The following OXNAD1 variants were observed in gnomAD, a reference collection of about 807,000 sequenced individuals.
OXNAD1 encodes the protein oxidoreductase NAD-binding domain-containing protein 1.
Under a neutral mutation model 32.9 loss-of-function variants are expected in OXNAD1, and 34 were observed. That is an observed-to-expected ratio of 1.03 (90% confidence interval 0.79 to 1.38). The LOEUF (loss-of-function observed/expected upper bound fraction) is 1.38, where lower values mean the gene tolerates loss of function less well. Among genes scored for constraint, OXNAD1 ranks in the 40% most tolerant of loss-of-function variants. OXNAD1 has a pLI of 0.00. For missense variants in OXNAD1, 407 were observed against 379.4 expected, an observed-to-expected ratio of 1.07 and a Z score of -0.60; for synonymous variants, 134 against 135.2, an observed-to-expected ratio of 0.99 and a Z score of 0.06.
At chr3:16,306,131 A>C (rs1273519344), downstream of OXNAD1, 1 of 152,236 alleles carries the variant, frequency 6.6e-6, no homozygotes, top group Non-Finnish European at 1.5e-5. Flanking sequence ...TTCTTTTGAC[A>C]TAAGACCCTT....
intron 9 of OXNAD1, among the ~76,000 whole-genome samples, chr3:16,328,010 C>T (rs750506566): frequency 2.0e-4 from 30 of 152,330 alleles, no homozygotes; most frequent in South Asian, 4.1e-4. Flanking sequence ...AACATGTATC[C>T]AGATTCCTTC....
At chr3:16,330,203 G>C (rs2070172071) in intron 9 of OXNAD1, among the ~76,000 whole-genome samples, 1 of 152,192 alleles carries the variant, frequency 6.6e-6, no homozygotes, top group African/African-American at 2.4e-5. Flanking sequence ...ATCACATGGT[G>C]AGTTGACAAG....
chr3:16,316,663 A>G lies in OXNAD1; in HGVS notation c.*30+13071A>G. On this transcript the variant is annotated intron_variant, in intron 9 of 9. Coordinates refer to the OXNAD1 transcript ENST00000435829. The surrounding 1 kb of genome is among the most constrained non-coding windows in gnomAD (Gnocchi z 4.5). The stretch of plus-strand genomic sequence containing the variant: ...TGGATGTGCAAAAACCAACACTGTC[A>G]GGAACCTGGCCCTGGGAGGGCTCAG... 1.3e-6 allele frequency: 1 copy of G among 756,168 alleles called. No homozygotes were observed. The highest frequency in any genetic ancestry group is 2.2e-6 in the Non-Finnish European group (1 of 445,868). The allele number at this position is 756,168 out of a possible 1,614,324, so 46.8% of individuals were successfully genotyped here. A position where few individuals can be genotyped will look rare whatever the true frequency, so the allele number is the denominator to read the frequency against.
Position 16,288,891 on chromosome 3 carries a change from C to T in OXNAD1, c.290+2443C>T, listed in dbSNP as rs544914480. ...TGCAGCTGCCCTGAGTTTCTAGATTCACATTTGGCTGTGGTGCTCACTGCC... is the reference window on the plus strand; with the variant it reads ...TGCAGCTGCCCTGAGTTTCTAGATTTACATTTGGCTGTGGTGCTCACTGCC... On this transcript the variant is annotated intron_variant, in intron 5 of 8. Coordinates refer to ENST00000285083, the MANE Select transcript of OXNAD1 (RefSeq NM_138381.5). The surrounding 1 kb of genome is among the most constrained non-coding windows in gnomAD (Gnocchi z 5.1). Among the ~76,000 whole-genome samples the T allele has an allele frequency of 7.2e-5, 11 of 152,320 alleles. No homozygotes were observed. The highest frequency in any genetic ancestry group is 1.3e-4 in the Non-Finnish European group (9 of 68,022).
rs1453081870 is a variant in OXNAD1 at position 16,317,714 on chromosome 3, CTG to C, written c.*30+14125_*30+14126del. Among the ~76,000 whole-genome samples the C allele has an allele frequency of 6.6e-6, 1 of 152,166 alleles. No homozygotes were observed. The highest frequency in any genetic ancestry group is 1.5e-5 in the Non-Finnish European group (1 of 68,030). On this transcript the variant is annotated intron_variant, in intron 9 of 9. Transcript: ENST00000435829. The surrounding 1 kb of genome is among the most constrained non-coding windows in gnomAD (Gnocchi z 4.3). ...CAGGGCCCAGAACATGGGGCAGACA[CTG>C]TGCTGTACCGCTCAGATCCCCCCAC...
Position 16,316,080 on chromosome 3 carries a change from G to A in OXNAD1, c.*30+12488G>A, listed in dbSNP as rs11554127. 6.5e-6 allele frequency: 1 copy of A among 152,822 alleles called. No homozygotes were observed. Among genetic ancestry groups the A allele is most frequent in the Non-Finnish European group, 1.5e-5 (1 of 68,202 alleles). The allele number at this position is 152,822 out of a possible 1,614,324, so 9.5% of individuals were successfully genotyped here. A position where few individuals can be genotyped will look rare whatever the true frequency, so the allele number is the denominator to read the frequency against. On this transcript the variant is annotated intron_variant, in intron 9 of 9. Transcript: ENST00000435829. This position sits in a 1 kb window ranked among gnomAD's most constrained non-coding sequence, Gnocchi z 4.5. Reference sequence around the variant, plus strand: ...TAGCACATAACAAGGGCGCCAGCCAGTCCCGATGCCCTGAAGTGACAGAAG... The same window carrying A: ...TAGCACATAACAAGGGCGCCAGCCAATCCCGATGCCCTGAAGTGACAGAAG...
intron 5 of OXNAD1, among the ~76,000 whole-genome samples, chr3:16,291,144 C>T (rs1016667459): frequency 2.0e-5 from 3 of 152,146 alleles, no homozygotes; most frequent in Admixed American, 6.5e-5. Context: ...AAGAAGGAAA[C>T]GTTAAGACTT....
At chr3:16,295,235 A>G (rs1026976420) in intron 6 of OXNAD1, among the ~76,000 whole-genome samples, 1 of 152,220 alleles carries the variant, frequency 6.6e-6, no homozygotes, top group African/African-American at 2.4e-5. Context: ...ACTGCTTTAG[A>G]ATTAAAATAT....
rs149524469 is a variant in OXNAD1 at position 16,276,233 on chromosome 3, A to G, written c.183+4511A>G. 9.5e-5 allele frequency: 23 copies of G among 243,174 alleles called. No individual in the cohort carries two copies. The East Asian group carries it at 3.1e-3, about 32-fold the overall frequency. The allele number at this position is 243,174 out of a possible 1,614,324, so 15.1% of individuals were successfully genotyped here. A position where few individuals can be genotyped will look rare whatever the true frequency, so the allele number is the denominator to read the frequency against. On this transcript the variant is annotated intron_variant, in intron 4 of 8. Coordinates refer to ENST00000285083, the MANE Select transcript of OXNAD1 (RefSeq NM_138381.5). ...TCAAGTAATTGCGTGTTCAGGGAGC[A>G]CATCTGTGTTAACTATATTTTTCTT...
downstream of OXNAD1, among the ~76,000 whole-genome samples, chr3:16,342,185 T>C (rs1240109670): frequency 2.0e-5 from 3 of 152,104 alleles, no homozygotes; most frequent in East Asian, 1.9e-4. The surrounding 1 kb of genome is among the most constrained non-coding windows in gnomAD (Gnocchi z 4.0). Flanking sequence ...CTGTACCTAT[T>C]AGCAGTCACT....
In OXNAD1 at chr3:16,303,841, T is replaced by G. The variant is rs1378715175; in HGVS notation, c.*279T>G. On this transcript the variant is annotated 3_prime_UTR_variant, in exon 9 of 9. Coordinates refer to ENST00000285083, the MANE Select transcript of OXNAD1 (RefSeq NM_138381.5). This position sits in a 1 kb window ranked among gnomAD's most constrained non-coding sequence, Gnocchi z 4.8. The stretch of plus-strand genomic sequence containing the variant: ...ATGTACCATGATTGGTCAGTATAGA[T>G]TTTTCTTTTGTCTTTAGGCAAAAAA... 9 of 231,960 alleles carry G rather than the reference T, an allele frequency of 3.9e-5. No individual in the cohort carries two copies. The East Asian group carries it at 7.3e-4, about 19-fold the overall frequency. The allele number at this position is 231,960 out of a possible 1,614,324, so 14.4% of individuals were successfully genotyped here.
chr3:16,307,862 G>T (rs1167188897), downstream of OXNAD1, among the ~76,000 whole-genome samples: 1 of 152,140 alleles, frequency 6.6e-6, no homozygotes, highest in Non-Finnish European at 1.5e-5. Flanking sequence ...CAAAACTAGG[G>T]AATGAACAGT....
chr3:16,333,578 A>C (rs1385552498), intron 9 of OXNAD1, among the ~76,000 whole-genome samples: 2 of 152,232 alleles, frequency 1.3e-5, no homozygotes, highest in Non-Finnish European at 2.9e-5. Flanking sequence ...TTATTATTTT[A>C]ATGTTTAAAG....
At chr3:16,276,123 ACT>A in intron 4 of OXNAD1, 1 of 177,942 alleles carries the variant, frequency 5.6e-6, no homozygotes, top group South Asian at 1.3e-4. Context: ...ACAGAGTAAG[ACT>A]CTGTCTCAAA....
rs185552526 is a variant in OXNAD1, at chr3:16,313,262, C to T, written c.*30+9670C>T. Among the ~76,000 whole-genome samples, 8 of 138,986 alleles carry T rather than the reference C, an allele frequency of 5.8e-5. 1 individual carries two copies. The highest frequency in any genetic ancestry group is 8.5e-5 in the African/African-American group (3 of 35,340). 91.2% of individuals were successfully genotyped at this position (138,986 alleles called of 152,430 possible). Reference sequence around the variant, plus strand: ...CTTGCTATGTTGCCCAGGCTGGTCTCGAACTCCTGAGCTCAAGCGATCCTT... The same window carrying T: ...CTTGCTATGTTGCCCAGGCTGGTCTTGAACTCCTGAGCTCAAGCGATCCTT... On this transcript the variant is annotated intron_variant, in intron 9 of 9. Coordinates refer to the OXNAD1 transcript ENST00000435829.
At chr3:16,275,978 T>C (rs1300216392) in intron 4 of OXNAD1, 1 of 153,708 alleles carries the variant, frequency 6.5e-6, no homozygotes, top group African/African-American at 2.4e-5. Context: ...AGTTAACTGA[T>C]GTTTCCAACG....
chr3:16,267,036 T>G (rs1343529074), intron 1 of OXNAD1, among the ~76,000 whole-genome samples: 1 of 152,236 alleles, frequency 6.6e-6, no homozygotes, highest in Non-Finnish European at 1.5e-5. Context: ...CACCTAAGAT[T>G]CTAAATTGAC....
intron 9 of OXNAD1, among the ~76,000 whole-genome samples, chr3:16,318,059 G>T (rs1028723947): frequency 1.5e-4 from 23 of 152,146 alleles, no homozygotes; most frequent in African/African-American, 5.6e-4. Flanking sequence ...AGCATTTCCT[G>T]GTGTGACAGG....
At position 16,334,340 on chromosome 3, in the gene OXNAD1, G is replaced by T. The variant is rs1294093203; in HGVS notation, c.*31-2772G>T. ...AGGGCTCATTGATTCAACCCTCCTGGAGAACAGTTTGACAGTATCTTTCAA... is the reference window on the plus strand; with the variant it reads ...AGGGCTCATTGATTCAACCCTCCTGTAGAACAGTTTGACAGTATCTTTCAA... On this transcript the variant is annotated intron_variant, in intron 9 of 9. Transcript: ENST00000435829. This position sits in a 1 kb window ranked among gnomAD's most constrained non-coding sequence, Gnocchi z 4.3. 1.3e-5 allele frequency among the ~76,000 whole-genome samples: 2 copies of T among 152,196 alleles called. No individual in the cohort carries two copies. Among genetic ancestry groups the T allele is most frequent in the Non-Finnish European group, 2.9e-5 (2 of 68,024 alleles).
Sources: gnomAD v4.1 joint callset for allele counts (sites outside exome capture counted in the v4.1 genomes callset) on GRCh38, gnomAD v4.1.1 for gene constraint, Gnocchi (gnomAD v3.1) non-coding constraint, MANE v1.5 for transcripts, NCBI Gene and HGNC (gene_info 2026-07-23, HGNC 2026-07-21) for gene names.